NDUFAF6: variants seen among roughly 807,000 people sequenced by gnomAD.
The protein encoded by NDUFAF6 is NADH:ubiquinone oxidoreductase complex assembly factor 6.
Under a neutral mutation model 40.8 loss-of-function variants are expected in NDUFAF6, and 45 were observed. The ratio of observed to expected loss-of-function variants is 1.10; its 90% CI spans 0.87 to 1.42. NDUFAF6 has a LOEUF of 1.42. NDUFAF6 is among the 40% of genes most tolerant of loss of function. The probability of loss-of-function intolerance (pLI) is 0.00; values close to 1 mark genes in which losing one functional copy is unlikely to be tolerated. For synonymous variants in NDUFAF6, 185 were observed against 155.9 expected (o/e 1.19, Z -1.39); for missense variants, 435 against 418.5 (o/e 1.04, Z -0.34).
chr8:95,053,952 T>TTTTTTG (rs1554681590), intron 8 of NDUFAF6, among the ~76,000 whole-genome samples: 9 of 136,908 alleles, frequency 6.6e-5, no homozygotes, highest in African/African-American at 2.7e-4. Context: ...TTTTTTTTTT[T>TTTTTTG]GAGACAAAAT....
intron 3 of NDUFAF6, among the ~76,000 whole-genome samples, chr8:95,038,633 C>T (rs532509869): frequency 5.3e-5 from 8 of 152,184 alleles, no homozygotes; most frequent in Middle Eastern, 3.4e-3. Flanking sequence ...CAGGCGTGAG[C>T]GAATTGTTTG....
chr8:95,067,323 C>T (rs1172820510), intron 9 of NDUFAF6: 1 of 152,026 alleles, frequency 6.6e-6, no homozygotes, highest in South Asian at 2.1e-4. Flanking sequence ...GAGAGGGCCT[C>T]CTTTTTTGAG....
upstream of NDUFAF6, among the ~76,000 whole-genome samples, chr8:95,099,182 G>A (rs2132074379): frequency 6.6e-6 from 1 of 152,234 alleles, no homozygotes; most frequent in East Asian, 1.9e-4. Context: ...TGAGGCTGCA[G>A]TGAGCTGTGA....
intron 1 of NDUFAF6, among the ~76,000 whole-genome samples, chr8:94,919,275 A>G (rs1286669437): frequency 2.0e-5 from 3 of 152,108 alleles, no homozygotes; most frequent in African/African-American, 7.2e-5. Context: ...TTGATCTCGC[A>G]GGCTCAACCA....
intron 1 of NDUFAF6, among the ~76,000 whole-genome samples, chr8:94,935,176 T>TAG (rs1563725845): frequency 8.2e-4 from 66 of 80,944 alleles, no homozygotes; most frequent in African/African-American, 2.7e-3. Context: ...TAGATAGATA[T>TAG]AATACAATAC....
intron 1 of NDUFAF6, among the ~76,000 whole-genome samples, chr8:94,907,547 T>G (rs994953266): frequency 6.6e-6 from 1 of 152,206 alleles, no homozygotes; most frequent in East Asian, 1.9e-4. Flanking sequence ...GAAACATAGC[T>G]GTGATTATCC....
downstream of NDUFAF6, among the ~76,000 whole-genome samples, chr8:95,062,767 G>A (rs1832602595): frequency 1.3e-5 from 2 of 152,202 alleles, no homozygotes; most frequent in Non-Finnish European, 2.9e-5. Context: ...TATTACTTGA[G>A]TGTAAGACAA....
intron 2 of NDUFAF6, among the ~76,000 whole-genome samples, chr8:95,090,142 T>G (rs1274070629): frequency 2.7e-5 from 1 of 36,906 alleles, no homozygotes; most frequent in Non-Finnish European, 4.6e-5. Flanking sequence ...ATATTTCAGA[T>G]TATGTCTGTC....
At chr8:94,933,563 G>A (rs1820643009) in intron 1 of NDUFAF6, among the ~76,000 whole-genome samples, 1 of 152,196 alleles carries the variant, frequency 6.6e-6, no homozygotes, top group African/African-American at 2.4e-5. Flanking sequence ...TCAGGAGTTT[G>A]AGACCAGCTT....
chr8:94,932,236 G>A lies in NDUFAF6; in HGVS notation c.-935-13247G>A, dbSNP rs140435759. The A allele has an allele frequency of 1.0e-4, 92 of 917,302 alleles. 1 individual carries two copies. The Middle Eastern group carries it at 1.5e-3, about 15-fold the overall frequency. 56.8% of individuals were successfully genotyped at this position (917,302 alleles called of 1,614,324 possible). On this transcript the variant is annotated intron_variant, in intron 1 of 14. Transcript: ENST00000396113. The stretch of plus-strand genomic sequence containing the variant: ...TATGTGCCATTAAAGGCACGTACAT[G>A]TGCTTAAGATAACATGTAAAACCTT...
chr8:95,063,409 G>A (rs1320436610), downstream of NDUFAF6, among the ~76,000 whole-genome samples: 4 of 152,100 alleles, frequency 2.6e-5, no homozygotes, highest in East Asian at 7.7e-4. Flanking sequence ...GACCAGCCTG[G>A]CCAACACGAT....
At chr8:94,932,070 T>C in intron 1 of NDUFAF6, 8 of 1,609,882 alleles carry the variant, frequency 5.0e-6, no homozygotes, top group Non-Finnish European at 6.8e-6. Flanking sequence ...ATATACTTAC[T>C]CTGTGCCCGT....
chr8:94,909,365 A>AAAAAAAAC (rs1818598402), intron 1 of NDUFAF6, among the ~76,000 whole-genome samples: 1 of 22,156 alleles, frequency 4.5e-5, no homozygotes, highest in African/African-American at 9.6e-5. Flanking sequence ...AAAAAAAAAA[A>AAAAAAAAC]AAAAAAAAAA....
chr8:95,036,330 G>T, intron 3 of NDUFAF6: 1 of 1,287,574 alleles, frequency 7.8e-7, no homozygotes, highest in Non-Finnish European at 1.0e-6. Context: ...TTCTGTAACA[G>T]GAGCCACCCA....
At chr8:94,939,676 G>T (rs573338471) in intron 1 of NDUFAF6, 1 of 803,246 alleles carries the variant, frequency 1.2e-6, no homozygotes, top group Non-Finnish European at 1.9e-6. Context: ...GGGATTACAG[G>T]TGTGAGACAC....
rs71273448 is a variant in NDUFAF6 at position 95,053,925 on chromosome 8, C to CTTTTT, written c.873+1718_873+1722dup. On this transcript the variant is annotated intron_variant, in intron 8 of 8. Coordinates refer to ENST00000396124, the MANE Select transcript of NDUFAF6 (RefSeq NM_152416.4). ...TACAGGTGTGAGCCACCGTGCCCGGCTTTTTTTTTTTTTTTTTTTTTTTTT... is the reference window on the plus strand; with the variant it reads ...TACAGGTGTGAGCCACCGTGCCCGGCTTTTTTTTTTTTTTTTTTTTTTTTTTTTTT... Among the ~76,000 whole-genome samples the CTTTTT allele has an allele frequency of 9.2e-4, 34 of 37,038 alleles. 2 individuals are homozygous for CTTTTT. The highest frequency in any genetic ancestry group is 2.6e-3 in the African/African-American group (28 of 10,826). The allele number at this position is 37,038 out of a possible 152,430, so 24.3% of individuals were successfully genotyped here.
chr8:94,971,751 A>G (rs1824479595), intron 1 of NDUFAF6, among the ~76,000 whole-genome samples: 1 of 152,200 alleles, frequency 6.6e-6, no homozygotes, highest in South Asian at 2.1e-4. Context: ...AGCCTGGCCA[A>G]CATGATGAAA....
downstream of NDUFAF6, among the ~76,000 whole-genome samples, chr8:95,080,857 G>A (rs988132429): frequency 3.9e-5 from 6 of 152,054 alleles, no homozygotes; most frequent in African/African-American, 1.4e-4. Flanking sequence ...CACAGCAATC[G>A]GAGCCTTAGC....
intron 2 of NDUFAF6, among the ~76,000 whole-genome samples, chr8:95,091,011 C>CAT (rs1809230028): frequency 1.6e-5 from 1 of 63,606 alleles, no homozygotes; most frequent in South Asian, 9.1e-4. Flanking sequence ...TTAATAAACT[C>CAT]ATATATATAT....
Sources: allele counts gnomAD v4.1 joint callset (sites outside exome capture counted in the v4.1 genomes callset), GRCh38; gene constraint gnomAD v4.1.1; transcripts MANE v1.5; gene names NCBI Gene and HGNC (gene_info 2026-07-23, HGNC 2026-07-21).